The following SUFU variants were observed in gnomAD, a reference collection of about 807,000 sequenced individuals.
SUFU encodes the protein suppressor of fused homolog.
SUFU carries 7 observed loss-of-function variants against 58.9 expected under a neutral mutation model. The ratio of observed to expected loss-of-function variants is 0.12; its 90% CI spans 0.07 to 0.22. The LOEUF is 0.22. Among genes scored for constraint, SUFU ranks in the 10% least tolerant of loss-of-function variants. The pLI is 1.00. For missense variants in SUFU, 451 were observed against 641.3 expected (o/e 0.70, Z 3.20); for synonymous variants, 232 against 254.8 (o/e 0.91, Z 0.85).
chr10:102,514,894 T>C (rs2062447516), intron 2 of SUFU, among the ~76,000 whole-genome samples: 1 of 152,222 alleles, frequency 6.6e-6, no homozygotes, highest in African/African-American at 2.4e-5. Flanking sequence ...CAGACTTCCC[T>C]GGTGGGATTT....
intron 3 of SUFU, among the ~76,000 whole-genome samples, chr10:102,570,163 T>C (rs1021780446): frequency 3.3e-5 from 5 of 152,038 alleles, no homozygotes; most frequent in African/African-American, 1.2e-4. Context: ...CCCAGGCGCT[T>C]GTAGAGGGGA....
intron 3 of SUFU, among the ~76,000 whole-genome samples, chr10:102,557,028 C>T (rs1157359824): frequency 3.3e-5 from 5 of 151,538 alleles, no homozygotes; most frequent in Admixed American, 1.3e-4. Flanking sequence ...ACCTGGGAGG[C>T]GGAGGTTGCA....
chr10:102,592,855 T>C (rs2063418541), intron 4 of SUFU, 131 bp downstream of exon 4: 2 of 1,056,854 alleles, frequency 1.9e-6, no homozygotes, highest in Admixed American at 1.9e-5. Context: ...CTGTTTCCTC[T>C]GATGGTTTGT....
In SUFU at chr10:102,625,581, C is replaced by T. The variant is rs2063778449; in HGVS notation, c.1297-1594C>T. ...GAGTTCAGCATTCGGGAGCAGTACT[C>T]CAGGCACTAAATTGAGAGTCCAGAC... is the stretch of plus-strand genomic sequence containing the variant. On this transcript the variant is annotated intron_variant, in intron 10 of 11. Transcript: ENST00000369902. The surrounding 1 kb of genome is among the most constrained non-coding windows in gnomAD (Gnocchi z 4.7). Among the ~76,000 whole-genome samples the T allele has an allele frequency of 6.6e-6, 1 of 152,064 alleles. No homozygotes were observed. Among genetic ancestry groups the T allele is most frequent in the South Asian group, 2.1e-4 (1 of 4,816 alleles).
intron 3 of SUFU, among the ~76,000 whole-genome samples, chr10:102,556,763 GGAAGGAAGGGAA>G (rs1172396173): frequency 2.0e-5 from 3 of 147,650 alleles, no homozygotes; most frequent in African/African-American, 5.0e-5. Context: ...AAGGGAGGGA[GGAAGGAAGGGAA>G]GAAGGAAGGG....
chr10:102,505,442 T>G (rs1347761585), intron 1 of SUFU, among the ~76,000 whole-genome samples: 1 of 152,228 alleles, frequency 6.6e-6, no homozygotes, highest in African/African-American at 2.4e-5. Context: ...TCAATGAGTC[T>G]TGAAAGACTG....
intron 6 of SUFU, among the ~76,000 whole-genome samples, chr10:102,596,173 A>G (rs2063459930): frequency 6.6e-6 from 1 of 152,252 alleles, no homozygotes; most frequent in Admixed American, 6.5e-5. Context: ...GTCCCAGGAA[A>G]TAAGGACAGT....
intron 2 of SUFU, among the ~76,000 whole-genome samples, chr10:102,546,013 C>G (rs900324929): frequency 6.6e-6 from 1 of 152,212 alleles, no homozygotes; most frequent in Admixed American, 6.5e-5. Context: ...GAGATGCTGA[C>G]TTTCAGCAGT....
At chr10:102,518,032 C>T (rs1475075580) in intron 2 of SUFU, among the ~76,000 whole-genome samples, 1 of 152,188 alleles carries the variant, frequency 6.6e-6, no homozygotes, top group Non-Finnish European at 1.5e-5. Flanking sequence ...GGAGCAGCTT[C>T]CTGTCTCCCT....
At chr10:102,599,256 G>T (rs1202349000) in intron 7 of SUFU, among the ~76,000 whole-genome samples, 177 bp from the exon 8 acceptor site, 1 of 152,198 alleles carries the variant, frequency 6.6e-6, no homozygotes, top group South Asian at 2.1e-4. Context: ...TAAGAGCGCG[G>T]TTGTCCCCTC....
At position 102,630,147 on chromosome 10, in the gene SUFU, C is replaced by T; in HGVS notation, c.1447C>T (p.Leu483=). Residue 483 remains leucine (L), a synonymous_variant, in exon 12 of 12, where the codon CTA becomes TTA. Transcript: ENST00000369902. ...ILPDVVFDSP[L]H ...GCCTGACGTGGTGTTCGACAGTCCGCTACACTAGCCTGGGCTGGGCCCTGC... is the reference window on the plus strand; with the variant it reads ...GCCTGACGTGGTGTTCGACAGTCCGTTACACTAGCCTGGGCTGGGCCCTGC... The T allele has an allele frequency of 3.7e-6, 6 of 1,614,158 alleles. No individual in the cohort carries two copies. The highest frequency in any genetic ancestry group is 5.1e-6 in the Non-Finnish European group (6 of 1,179,986).
chr10:102,573,982 G>A (rs1488114084), intron 3 of SUFU, among the ~76,000 whole-genome samples: 1 of 152,028 alleles, frequency 6.6e-6, no homozygotes, highest in Non-Finnish European at 1.5e-5. Context: ...TTATGTTGAT[G>A]TATTTTACTA....
chr10:102,535,671 C>T (rs1056602785), intron 2 of SUFU, among the ~76,000 whole-genome samples: 1 of 152,106 alleles, frequency 6.6e-6, no homozygotes, highest in African/African-American at 2.4e-5. Flanking sequence ...GAGACTGAGC[C>T]ATAATGCCTA....
chr10:102,572,563 T>C (rs1435475023), intron 3 of SUFU, among the ~76,000 whole-genome samples: 4 of 151,946 alleles, frequency 2.6e-5, no homozygotes, highest in African/African-American at 9.7e-5. Flanking sequence ...CTACTTTTTG[T>C]ATTTTTAGTA....
intron 9 of SUFU, among the ~76,000 whole-genome samples, chr10:102,616,328 A>G (rs1231648151): frequency 2.0e-5 from 3 of 152,250 alleles, no homozygotes; most frequent in Admixed American, 6.5e-5. Context: ...GAGTAATTCT[A>G]AACTCACAGA....
intron 10 of SUFU, chr10:102,618,941 T>TGTGTGC (rs2063715342): frequency 1.5e-4 from 95 of 613,866 alleles, no homozygotes; most frequent in South Asian, 1.4e-3. Flanking sequence ...CGTGTGTGTG[T>TGTGTGC]GTGTGTGTGT....
chr10:102,524,313 C>A (rs1589990341), intron 2 of SUFU, among the ~76,000 whole-genome samples: 1 of 144,600 alleles, frequency 6.9e-6, no homozygotes, highest in South Asian at 2.2e-4. Context: ...CCTAATTTTT[C>A]TTTTTCTTTT....
Position 102,631,904 on chromosome 10 carries a change from C to T in SUFU, c.*1749C>T, listed in dbSNP as rs1564713651. 4.3e-6 allele frequency: 1 copy of T among 233,376 alleles called. No homozygotes were observed. The highest frequency in any genetic ancestry group is 6.0e-5 in the East Asian group (1 of 16,594). 14.5% of individuals were successfully genotyped at this position (233,376 alleles called of 1,614,324 possible). On this transcript the variant is annotated 3_prime_UTR_variant, in exon 12 of 12. Transcript: ENST00000369902. ...AGCCAAGATGCAAGCCACTCGGGAC[C>T]TGATGTCGGCAGCTGTGCCTCTACT...
At chr10:102,518,549 T>TATCTATCTATC (rs35214493) in intron 2 of SUFU, among the ~76,000 whole-genome samples, 15,375 of 78,522 alleles carry the variant, frequency 0.2, 949 homozygotes, top group East Asian at 0.22. Context: ...ATCTATCTAT[T>TATCTATCTATC]TATTTATTTA....
Sources: allele counts gnomAD v4.1 joint callset (sites outside exome capture counted in the v4.1 genomes callset), GRCh38; gene constraint gnomAD v4.1.1; non-coding constraint Gnocchi (gnomAD v3.1); transcripts MANE v1.5; gene names NCBI Gene and HGNC (gene_info 2026-07-23, HGNC 2026-07-21).